The following NSUN7 variants were observed in gnomAD, a reference collection of about 807,000 sequenced individuals.
The protein encoded by NSUN7 is protein NSUN7.
Under a neutral mutation model 58.5 loss-of-function variants are expected in NSUN7, and 39 were observed. That is an observed-to-expected ratio of 0.67 (90% CI 0.52 to 0.87). The LOEUF (loss-of-function observed/expected upper bound fraction) is 0.87. Among genes scored for constraint, NSUN7 ranks in the 40% least tolerant of loss-of-function variants. The probability of loss-of-function intolerance (pLI) is 0.00; values close to 1 mark genes in which losing one functional copy is unlikely to be tolerated. For synonymous variants in NSUN7, 278 were observed against 303.7 expected (o/e 0.92, Z 0.88); for missense variants, 765 against 844.1 (o/e 0.91, Z 1.16).
rs776016399 is a variant in NSUN7, at chr4:40,776,079, G to T, written c.856G>T (p.Val286Leu). The change falls in exon 7 of 12, where the codon GTA becomes TTA. Residue 286 changes from valine to leucine, a missense_variant. Val to Leu is a conservative substitution (Grantham distance 32). Coordinates refer to ENST00000381782, the MANE Select transcript of NSUN7 (RefSeq NM_024677.6). ...ATCTCGAAGTCTTGCTGTCCATTCT[G>T]TAAAGGCTTTATTAAATATGGATGA... ...DKSRSLAVHS[V>L]KALLNMDDDV... 6.2e-7 allele frequency: 1 copy of T among 1,608,390 alleles called. No homozygotes were observed. Among genetic ancestry groups the T allele is most frequent in the Non-Finnish European group, 8.5e-7 (1 of 1,176,906 alleles).
intron 4 of NSUN7, among the ~76,000 whole-genome samples, chr4:40,764,672 T>C (rs1426247172): frequency 6.6e-6 from 1 of 152,228 alleles, no homozygotes; most frequent in African/African-American, 2.4e-5. Flanking sequence ...TCTACAATGG[T>C]TGAACTAGTT....
At chr4:40,802,821 G>A (rs1270704889) in intron 10 of NSUN7, among the ~76,000 whole-genome samples, 1 of 149,096 alleles carries the variant, frequency 6.7e-6, no homozygotes, top group African/African-American at 2.5e-5. Context: ...CAAGTTTCAG[G>A]GTACATGTGC....
chr4:40,795,710 T>C (rs1043160948), intron 9 of NSUN7, among the ~76,000 whole-genome samples: 4 of 152,202 alleles, frequency 2.6e-5, no homozygotes, highest in African/African-American at 9.7e-5. Context: ...AATCAGGGGT[T>C]TGACTCCAGA....
chr4:40,792,115 C>T (rs1743095859), intron 8 of NSUN7, among the ~76,000 whole-genome samples: 2 of 152,062 alleles, frequency 1.3e-5, no homozygotes, highest in Admixed American at 6.6e-5. Flanking sequence ...GGTAGGTAGG[C>T]TGAGAAAATT....
At chr4:40,760,575 G>A in intron 3 of NSUN7, 83 bp downstream of exon 3, 1 of 1,178,034 alleles carries the variant, frequency 8.5e-7, no homozygotes, top group Admixed American at 2.2e-5. Flanking sequence ...GATTTAAATA[G>A]TTTGAGGCCG....
At chr4:40,777,430 T>G (rs1030612406) in intron 7 of NSUN7, among the ~76,000 whole-genome samples, 8 of 151,660 alleles carry the variant, frequency 5.3e-5, no homozygotes, top group Non-Finnish European at 1.0e-4. Flanking sequence ...GCCCCCCGGG[T>G]TCAAGCGATT....
chr4:40,786,631 G>A (rs1742835560), intron 7 of NSUN7: 1 of 1,608,892 alleles, frequency 6.2e-7, no homozygotes, highest in African/African-American at 1.3e-5. Flanking sequence ...CATAGGAGAT[G>A]GCCTAAAGGA....
At chr4:40,752,052 G>T (rs1740862936) in intron 2 of NSUN7, among the ~76,000 whole-genome samples, 1 of 152,194 alleles carries the variant, frequency 6.6e-6, no homozygotes, top group Non-Finnish European at 1.5e-5. Context: ...CAAAAGGCTT[G>T]AAGTTGTTTG....
chr4:40,784,227 A>T (rs1055443236), intron 7 of NSUN7, among the ~76,000 whole-genome samples: 2 of 152,252 alleles, frequency 1.3e-5, no homozygotes. Context: ...TTTCCCAATA[A>T]GTTAAACATA....
intron 4 of NSUN7, among the ~76,000 whole-genome samples, chr4:40,772,652 G>T (rs1742067366): frequency 1.3e-5 from 2 of 152,104 alleles, no homozygotes; most frequent in Non-Finnish European, 1.5e-5. Context: ...GACACTGCAG[G>T]CATGAAGAAA....
intron 4 of NSUN7, among the ~76,000 whole-genome samples, chr4:40,772,415 T>C (rs1742057197): frequency 6.6e-6 from 1 of 152,182 alleles, no homozygotes; most frequent in Non-Finnish European, 1.5e-5. Context: ...TACTATGTCA[T>C]TTTTTTAGTA....
At chr4:40,792,857 A>T (rs1182238441) in intron 8 of NSUN7, among the ~76,000 whole-genome samples, 1 of 152,048 alleles carries the variant, frequency 6.6e-6, no homozygotes, top group Non-Finnish European at 1.5e-5. Flanking sequence ...CGACCTAGTG[A>T]CTCTGGTGGG....
At chr4:40,758,313 A>C (rs1420502691) in intron 2 of NSUN7, among the ~76,000 whole-genome samples, 1 of 152,032 alleles carries the variant, frequency 6.6e-6, no homozygotes, top group Non-Finnish European at 1.5e-5. Context: ...ACTTGTTGTG[A>C]AAAAAAAGTA....
At chr4:40,795,456 C>G (rs988731174) in intron 9 of NSUN7, among the ~76,000 whole-genome samples, 11 of 152,052 alleles carry the variant, frequency 7.2e-5, no homozygotes, top group Admixed American at 5.2e-4. Context: ...AAATAATAAG[C>G]CTTTTACTTG....
At chr4:40,797,263 C>G (rs1204252529) in intron 9 of NSUN7, among the ~76,000 whole-genome samples, 1 of 152,134 alleles carries the variant, frequency 6.6e-6, no homozygotes, top group Non-Finnish European at 1.5e-5. Context: ...TATACTTATC[C>G]CTTGGTGATT....
chr4:40,752,794 A>G (rs1199387577), intron 2 of NSUN7, among the ~76,000 whole-genome samples: 2 of 8,820 alleles, frequency 2.3e-4, no homozygotes, highest in African/African-American at 4.1e-3. Flanking sequence ...TTTAGACAGG[A>G]ATATATATTT....
intron 7 of NSUN7, among the ~76,000 whole-genome samples, chr4:40,780,782 CACACATACACATATATAT>C (rs1304332441): frequency 1.4e-5 from 1 of 69,212 alleles, no homozygotes; most frequent in Admixed American, 1.5e-4. Context: ...CACACACACA[CACACATACACATATATAT>C]ATATATATAT....
Position 40,773,616 on chromosome 4 carries a change from G to A in NSUN7, c.489-649G>A, listed in dbSNP as rs548776508. Among the ~76,000 whole-genome samples, 4 of 151,598 alleles carry A rather than the reference G, an allele frequency of 2.6e-5. No individual in the cohort carries two copies. The South Asian group carries it at 6.2e-4, about 24-fold the overall frequency. ...GAGAATTGCTTGAACCCACAGGGCA[G>A]AGGTTGCAGTAAGCCAAGATCATGC... On this transcript the variant is annotated intron_variant, in intron 4 of 11. Transcript: ENST00000381782.
intron 7 of NSUN7, chr4:40,776,483 A>T: frequency 2.9e-6 from 1 of 340,696 alleles, no homozygotes; most frequent in Non-Finnish European, 5.3e-6. Flanking sequence ...ATACTGTTTG[A>T]CATTTAGCTC....
Sources: gnomAD v4.1 joint callset for allele counts (sites outside exome capture counted in the v4.1 genomes callset) on GRCh38, gnomAD v4.1.1 for gene constraint, MANE v1.5 for transcripts, NCBI Gene and HGNC (gene_info 2026-07-23, HGNC 2026-07-21) for gene names.